MGAM2: variants seen among roughly 807,000 people sequenced by gnomAD.
MGAM2 encodes the protein probable maltase-glucoamylase 2.
A neutral mutation model predicts 96.1 loss-of-function variants in MGAM2; 98 were observed. The ratio of observed to expected loss-of-function variants is 1.02; its 90% CI spans 0.87 to 1.21. MGAM2 has a LOEUF of 1.21. Among genes scored for constraint, MGAM2 ranks in the 50% most tolerant of loss-of-function variants. The pLI is 0.00. For missense variants in MGAM2, 2,055 were observed against 1,182.4 expected (o/e 1.74, Z -10.82); for synonymous variants, 749 against 414.8 (o/e 1.81, Z -9.79).
chr7:142,182,892 C>T (rs1401486257), intron 32 of MGAM2, among the ~76,000 whole-genome samples: 1 of 152,174 alleles, frequency 6.6e-6, no homozygotes, highest in African/African-American at 2.4e-5. Context: ...TGCTTCCCAG[C>T]CGCATCTAGC....
intron 3 of MGAM2, among the ~76,000 whole-genome samples, chr7:142,127,964 T>C (rs1025445514): frequency 6.6e-6 from 1 of 151,954 alleles, no homozygotes; most frequent in South Asian, 2.1e-4. Flanking sequence ...CAGGCTGAGG[T>C]TGGAACAGTT....
At chr7:142,207,505 A>G (rs1797444606) in intron 45 of MGAM2, among the ~76,000 whole-genome samples, 1 of 151,924 alleles carries the variant, frequency 6.6e-6, no homozygotes, top group Non-Finnish European at 1.5e-5. Flanking sequence ...GGCTCGCTGC[A>G]AGCTCCGCCT....
intron 27 of MGAM2, 142 bp downstream of exon 27, chr7:142,170,371 C>A: frequency 4.1e-6 from 2 of 485,492 alleles, no homozygotes; most frequent in Non-Finnish European, 7.3e-6. Flanking sequence ...TTTTCCCATG[C>A]TTTAATGGAT....
intron 25 of MGAM2, among the ~76,000 whole-genome samples, chr7:142,166,502 A>G (rs1177132147): frequency 6.6e-6 from 1 of 152,188 alleles, no homozygotes; most frequent in Non-Finnish European, 1.5e-5. Context: ...TACATTGGGT[A>G]TGCATTATGC....
At position 142,117,837 on chromosome 7, in the gene MGAM2, T is replaced by C. The variant is rs147598401; in HGVS notation, c.106+858T>C. Among the ~76,000 whole-genome samples the C allele has an allele frequency of 4.7e-3, 718 of 152,306 alleles. 6 individuals are homozygous for C. The highest frequency in any genetic ancestry group is 0.016 in the African/African-American group (683 of 41,554). ...ATTGCTATCCAGTGTATATGACTAA[T>C]TGGTTTATTTTATTTGATATAAAAC... On this transcript the variant is annotated intron_variant, in intron 2 of 47. Transcript: ENST00000477922.
intron 2 of MGAM2, among the ~76,000 whole-genome samples, chr7:142,119,902 C>T (rs1794509667): frequency 6.6e-6 from 1 of 152,118 alleles, no homozygotes; most frequent in Admixed American, 6.5e-5. Flanking sequence ...ATTGGGAGAA[C>T]AGGGGAATAG....
intron 14 of MGAM2, among the ~76,000 whole-genome samples, chr7:142,145,903 T>C (rs1010322514): frequency 2.6e-5 from 4 of 152,166 alleles, no homozygotes; most frequent in Admixed American, 6.5e-5. Context: ...AAGAGAACAC[T>C]GACATGTTGG....
chr7:142,147,616 G>GGGAGGT (rs2129082682), intron 15 of MGAM2, 43 bp downstream of exon 15: 1 of 671,936 alleles, frequency 1.5e-6, no homozygotes, highest in Non-Finnish European at 2.7e-6. Flanking sequence ...ATGTGGAGGT[G>GGGAGGT]GGAGGTGGAG....
At chr7:142,203,221 C>A (rs936973020) in intron 45 of MGAM2, among the ~76,000 whole-genome samples, 4 of 152,128 alleles carry the variant, frequency 2.6e-5, no homozygotes, top group African/African-American at 9.6e-5. Context: ...TTCTCCTACT[C>A]TGTAGGTTGT....
Position 142,166,183 on chromosome 7 carries a change from A to C in MGAM2, c.2738A>C (p.Lys913Thr), listed in dbSNP as rs1367845036. 1 of 702,532 alleles carries C rather than the reference A, an allele frequency of 1.4e-6. No individual in the cohort carries two copies. Among genetic ancestry groups the C allele is most frequent in the Non-Finnish European group, 2.6e-6 (1 of 384,826 alleles). 43.5% of individuals were successfully genotyped at this position (702,532 alleles called of 1,614,324 possible). Residue 913 changes from lysine to threonine, a missense_variant, in exon 25 of 48, where the codon AAG (lysine) becomes ACG (threonine). Physicochemically the swap from Lys to Thr is moderately conservative, Grantham distance 78. Transcript: ENST00000477922. Reference protein sequence around the residue: ...RWNLPVSDLEKFNCYPDDPTA... With the variant: ...RWNLPVSDLETFNCYPDDPTA... ...AATCTTCCTGTCAGTGACCTGGAGAAGTTCAACTGCTACCCTGATGATCCA... is the reference window on the plus strand; with the variant it reads ...AATCTTCCTGTCAGTGACCTGGAGACGTTCAACTGCTACCCTGATGATCCA...
At chr7:142,178,924 G>A (rs538873371) in intron 32 of MGAM2, among the ~76,000 whole-genome samples, 1 of 152,176 alleles carries the variant, frequency 6.6e-6, no homozygotes, top group Admixed American at 6.5e-5. Flanking sequence ...TCATTTGTTT[G>A]TGTCATCTCT....
chr7:142,153,279 C>T (rs779946598), intron 15 of MGAM2, among the ~76,000 whole-genome samples: 1 of 152,124 alleles, frequency 6.6e-6, no homozygotes, highest in Non-Finnish European at 1.5e-5. Context: ...GGATTATAGG[C>T]GTGAGCCACC....
At chr7:142,149,233 A>AAAT (rs1044036882) in intron 15 of MGAM2, among the ~76,000 whole-genome samples, 20 of 151,506 alleles carry the variant, frequency 1.3e-4, no homozygotes, top group South Asian at 2.1e-4. Context: ...CCGTCTCAAA[A>AAAT]AAAAAATAAA....
chr7:142,171,681 A>C (rs935015871), intron 28 of MGAM2, among the ~76,000 whole-genome samples: 1 of 138,498 alleles, frequency 7.2e-6, no homozygotes, highest in Non-Finnish European at 1.6e-5. Context: ...GGAAATATGT[A>C]TATATTTCCC....
chr7:142,164,537 G>A (rs559737177), intron 23 of MGAM2, among the ~76,000 whole-genome samples: 8 of 151,990 alleles, frequency 5.3e-5, no homozygotes, highest in African/African-American at 1.9e-4. Context: ...GTGCCAATGA[G>A]GCTCTTATCT....
At chr7:142,160,612 G>T (rs1221977282) in intron 21 of MGAM2, among the ~76,000 whole-genome samples, 1 of 151,468 alleles carries the variant, frequency 6.6e-6, no homozygotes, top group Non-Finnish European at 1.5e-5. Flanking sequence ...TTATCACGTG[G>T]AAGCCAACAC....
chr7:142,159,483 G>A, intron 20 of MGAM2, 140 bp downstream of exon 20: 1 of 608,216 alleles, frequency 1.6e-6, no homozygotes, highest in Non-Finnish European at 3.0e-6. Flanking sequence ...CTGTGAGAAA[G>A]GCATCTTAGT....
chr7:142,213,942 C>G (rs895876555), intron 46 of MGAM2, among the ~76,000 whole-genome samples: 27 of 152,132 alleles, frequency 1.8e-4, no homozygotes, highest in African/African-American at 6.0e-4. Context: ...CCGAATCCAG[C>G]AGCACATCAA....
chr7:142,215,375 T>C (rs532414011), intron 46 of MGAM2, among the ~76,000 whole-genome samples: 236 of 151,734 alleles, frequency 1.6e-3, no homozygotes, highest in Non-Finnish European at 1.9e-3. Context: ...GGTTGATGGA[T>C]GCAGCAAACC....
Sources: allele counts gnomAD v4.1 joint callset (sites outside exome capture counted in the v4.1 genomes callset), GRCh38; gene constraint gnomAD v4.1.1; transcripts MANE v1.5; gene names NCBI Gene and HGNC (gene_info 2026-07-23, HGNC 2026-07-21).